CNBD1: variants seen among roughly 807,000 people sequenced by gnomAD.
The protein encoded by CNBD1 is cyclic nucleotide binding domain containing 1, also known as cyclic nucleotide-binding domain-containing protein 1.
A neutral mutation model predicts 54.4 loss-of-function variants in CNBD1; 71 were observed. That is an observed-to-expected ratio of 1.30 (90% CI 1.08 to 1.59). CNBD1 has a LOEUF of 1.59. Among genes scored for constraint, CNBD1 ranks in the 40% most tolerant of loss-of-function variants. The pLI, the probability that CNBD1 is intolerant of heterozygous loss-of-function variation, is 0.00. For synonymous variants in CNBD1, 182 were observed against 170.7 expected, an observed-to-expected ratio of 1.07 and a Z score of -0.51; for missense variants, 659 against 518.0, an observed-to-expected ratio of 1.27 and a Z score of -2.64.
chr8:87,098,219 A>T (rs1012601695), intron 4 of CNBD1, among the ~76,000 whole-genome samples: 3 of 152,218 alleles, frequency 2.0e-5, no homozygotes, highest in African/African-American at 7.2e-5. Flanking sequence ...GGCACAAGTA[A>T]GTCTGAGTTT....
intron 10 of CNBD1, among the ~76,000 whole-genome samples, chr8:87,378,582 T>G (rs1424008891): frequency 6.7e-6 from 1 of 149,926 alleles, no homozygotes; most frequent in Non-Finnish European, 1.5e-5. Flanking sequence ...TGAAGTCAGG[T>G]AGTGTGATGC....
intron 10 of CNBD1, among the ~76,000 whole-genome samples, chr8:87,380,788 G>A (rs1409495383): frequency 2.0e-5 from 3 of 151,830 alleles, no homozygotes; most frequent in Non-Finnish European, 4.4e-5. Flanking sequence ...TGTAAATGGG[G>A]TTGTTTTACT....
chr8:87,316,162 A>G (rs1809379723), intron 8 of CNBD1, among the ~76,000 whole-genome samples: 1 of 152,066 alleles, frequency 6.6e-6, no homozygotes, highest in Non-Finnish European at 1.5e-5. Context: ...AGCATAACAT[A>G]CAAACAGCAA....
chr8:86,912,482 C>G (rs1375657182), intron 3 of CNBD1, among the ~76,000 whole-genome samples: 1 of 152,170 alleles, frequency 6.6e-6, no homozygotes, highest in Non-Finnish European at 1.5e-5. Flanking sequence ...ACCTATCACT[C>G]AGGGACTTCA....
At chr8:87,337,029 T>C (rs1052156120) in intron 8 of CNBD1, among the ~76,000 whole-genome samples, 1 of 152,130 alleles carries the variant, frequency 6.6e-6, no homozygotes, top group Non-Finnish European at 1.5e-5. Context: ...CACATTGAGA[T>C]GTCACTCAAG....
intron 3 of CNBD1, among the ~76,000 whole-genome samples, chr8:86,936,557 T>C (rs961769091): frequency 6.6e-6 from 1 of 151,886 alleles, no homozygotes; most frequent in African/African-American, 2.4e-5. Context: ...TGGCTAACAC[T>C]GTGAAACCCC....
At position 87,310,213 on chromosome 8, in the gene CNBD1, T is replaced by C. The variant is rs117237484; in HGVS notation, c.1042+23542T>C. Among the ~76,000 whole-genome samples the C allele has an allele frequency of 4.4e-4, 67 of 152,048 alleles. No homozygotes were observed. The East Asian group carries it at 0.012, about 28-fold the overall frequency. On this transcript the variant is annotated intron_variant, in intron 8 of 10. Transcript: ENST00000518476. ...CTACAAAAAAGTTTAAAAAATTAGCTTGGTGTGGTGGCACATGCTATAGTC... is the reference window on the plus strand; with the variant it reads ...CTACAAAAAAGTTTAAAAAATTAGCCTGGTGTGGTGGCACATGCTATAGTC...
chr8:86,999,659 CACATAGCAG>C (rs769354861), intron 4 of CNBD1, among the ~76,000 whole-genome samples: 13 of 152,178 alleles, frequency 8.5e-5, no homozygotes, highest in Non-Finnish European at 1.3e-4. Context: ...ATTTCTTAAG[CACATAGCAG>C]ACACTAATCC....
At chr8:87,224,225 G>A (rs1344635249) in intron 5 of CNBD1, among the ~76,000 whole-genome samples, 1 of 151,038 alleles carries the variant, frequency 6.6e-6, no homozygotes, top group Non-Finnish European at 1.5e-5. Context: ...TTCTTTTGCT[G>A]TGCAGAAGCT....
In CNBD1 at chr8:87,382,807, A is replaced by G. The variant is rs1198538471; in HGVS notation, c.*180A>G. 2 of 452,718 alleles carry G rather than the reference A, an allele frequency of 4.4e-6. No homozygotes were observed. The highest frequency in any genetic ancestry group is 3.9e-5 in the African/African-American group (2 of 50,870). 28.0% of individuals were successfully genotyped at this position (452,718 alleles called of 1,614,324 possible). A position where few individuals can be genotyped will look rare whatever the true frequency, so the allele number is the denominator to read the frequency against. ...CCTTTCAAACACAGTTTTTATTAGC[A>G]GTCTTTCTTGGTTTGGATACTAAAA... On this transcript the variant is annotated 3_prime_UTR_variant, in exon 11 of 11. Transcript: ENST00000518476.
At chr8:86,976,352 A>G (rs1437431291) in intron 4 of CNBD1, among the ~76,000 whole-genome samples, 1 of 151,816 alleles carries the variant, frequency 6.6e-6, no homozygotes, top group Non-Finnish European at 1.5e-5. Context: ...TTGTGGTTTT[A>G]TAGTCTTAGT....
chr8:87,035,438 T>C (rs1809905171), intron 4 of CNBD1, among the ~76,000 whole-genome samples: 1 of 152,224 alleles, frequency 6.6e-6, no homozygotes, highest in South Asian at 2.1e-4. Context: ...TGCTTTAGAA[T>C]AGTTTAAATA....
chr8:86,927,322 C>T (rs542563912), intron 3 of CNBD1, among the ~76,000 whole-genome samples: 10 of 152,038 alleles, frequency 6.6e-5, no homozygotes, highest in East Asian at 1.9e-4. Context: ...GTGGGGGAGG[C>T]GCTGCTGCAG....
chr8:87,281,571 T>G (rs1334361560), intron 6 of CNBD1, among the ~76,000 whole-genome samples: 22 of 49,140 alleles, frequency 4.5e-4, no homozygotes, highest in African/African-American at 1.2e-3. Context: ...TATATATATA[T>G]ATATATATAT....
At chr8:87,279,707 C>T (rs899510671) in intron 6 of CNBD1, among the ~76,000 whole-genome samples, 9 of 150,680 alleles carry the variant, frequency 6.0e-5, no homozygotes, top group East Asian at 3.9e-4. Context: ...TGTTTTATAT[C>T]GAGATTATAT....
At chr8:87,254,085 G>A (rs560317704) in intron 6 of CNBD1, among the ~76,000 whole-genome samples, 1 of 152,296 alleles carries the variant, frequency 6.6e-6, no homozygotes, top group African/African-American at 2.4e-5. Flanking sequence ...TGGCATTACA[G>A]AAATAGGTCA....
At chr8:87,393,842 G>T (rs911631592) in intron 2 of CNBD1, among the ~76,000 whole-genome samples, 4 of 151,704 alleles carry the variant, frequency 2.6e-5, no homozygotes, top group Non-Finnish European at 5.9e-5. Flanking sequence ...AGAGAGACAG[G>T]TAATCAAAAC....
intron 8 of CNBD1, among the ~76,000 whole-genome samples, chr8:87,297,721 GA>G (rs1353782998): frequency 6.7e-6 from 1 of 149,426 alleles, no homozygotes; most frequent in Non-Finnish European, 1.5e-5. Context: ...GTGTGTGTGT[GA>G]TTATCTCAAG....
At chr8:86,983,648 A>G (rs1808539374) in intron 4 of CNBD1, among the ~76,000 whole-genome samples, 1 of 151,904 alleles carries the variant, frequency 6.6e-6, no homozygotes, top group Non-Finnish European at 1.5e-5. Flanking sequence ...AGCAAAGACA[A>G]CTCTTGTTAT....
Sources: gnomAD v4.1 joint callset for allele counts (sites outside exome capture counted in the v4.1 genomes callset) on GRCh38, gnomAD v4.1.1 for gene constraint, MANE v1.5 for transcripts, NCBI Gene and HGNC (gene_info 2026-07-23, HGNC 2026-07-21) for gene names.